VSTM2B: variants seen among roughly 807,000 people sequenced by gnomAD.
VSTM2B encodes the protein V-set and transmembrane domain-containing protein 2B.
VSTM2B carries 24 observed loss-of-function variants against 24.0 expected under a neutral mutation model. The ratio of observed to expected loss-of-function variants is 1.00; its 90% confidence interval spans 0.72 to 1.40. VSTM2B has a LOEUF of 1.40. Ranked by LOEUF, VSTM2B falls within the 40% of genes most tolerant of loss-of-function variation. The pLI is 0.00. For missense variants in VSTM2B, 399 were observed against 416.4 expected (o/e 0.96, Z 0.36); for synonymous variants, 226 against 194.4 (o/e 1.16, Z -1.35).
rs144523000 is a variant in VSTM2B, at chr19:29,561,078, G to A, written c.770-2768G>A. Among the ~76,000 whole-genome samples, 409 of 152,254 alleles carry A rather than the reference G, an allele frequency of 2.7e-3. 14 individuals are homozygous for A. The East Asian group carries it at 0.061, about 23-fold the overall frequency. On this transcript the variant is annotated intron_variant, in intron 4 of 4. Transcript: ENST00000335523. ...TGTAATCCCAGCACTTTGGGAGGTC[G>A]AAGTGGGCAGATCACTTGAGGTCAG...
rs74835066 is a variant in VSTM2B at position 29,552,285 on chromosome 19, A to T, written c.770-11561A>T. Among the ~76,000 whole-genome samples, 1,394 of 152,318 alleles carry T rather than the reference A, an allele frequency of 9.2e-3. 46 individuals are homozygous for T. The highest frequency in any genetic ancestry group is 0.09 in the East Asian group (466 of 5,188). On this transcript the variant is annotated intron_variant, in intron 4 of 4. Transcript: ENST00000335523. Reference sequence around the variant, plus strand: ...TATGTCTGATGAATCAGGTAGTAAAAGGTTGCAAATCCTAGGTCCTTCTTT... The same window carrying T: ...TATGTCTGATGAATCAGGTAGTAAATGGTTGCAAATCCTAGGTCCTTCTTT...
intron 4 of VSTM2B, among the ~76,000 whole-genome samples, chr19:29,557,413 T>C (rs765106880): frequency 4.6e-5 from 7 of 152,192 alleles, no homozygotes; most frequent in Non-Finnish European, 5.9e-5. Context: ...AAGACTTAAA[T>C]GTAAGCTGGG....
At chr19:29,531,548 A>C (rs759937114) in intron 4 of VSTM2B, among the ~76,000 whole-genome samples, 1 of 152,170 alleles carries the variant, frequency 6.6e-6, no homozygotes, top group Non-Finnish European at 1.5e-5. Context: ...TCTGCCTGGC[A>C]CATCAGTTCA....
chr19:29,563,142 A>C, intron 4 of VSTM2B, among the ~76,000 whole-genome samples: 1 of 152,136 alleles, frequency 6.6e-6, no homozygotes, highest in East Asian at 1.9e-4. Context: ...CACAAGGGAC[A>C]GAATTGTGTG....
At position 29,526,518 on chromosome 19, in the gene VSTM2B, C is replaced by G; in HGVS notation, c.-66C>G. The G allele has an allele frequency of 7.5e-7, 1 of 1,338,346 alleles. No individual in the cohort carries two copies. The highest frequency in any genetic ancestry group is 2.5e-5 in the Admixed American group (1 of 39,830). The allele number at this position is 1,338,346 out of a possible 1,614,324, so 82.9% of individuals were successfully genotyped here. Reference sequence around the variant, plus strand: ...CGTCCTAGCCCGAGCCGGAGCCGATCCGAGCCCACGCGGCCGCCGCCTCTC... The same window carrying G: ...CGTCCTAGCCCGAGCCGGAGCCGATGCGAGCCCACGCGGCCGCCGCCTCTC... On this transcript the variant is annotated 5_prime_UTR_variant, in exon 1 of 5. In the 5' UTR this introduces an upstream ATG that the reference lacks. Transcript: ENST00000335523. This position sits in a 1 kb window ranked among gnomAD's most constrained non-coding sequence, Gnocchi z 4.1.
intron 4 of VSTM2B, among the ~76,000 whole-genome samples, chr19:29,562,323 A>G (rs572615329): frequency 6.6e-6 from 1 of 152,308 alleles, no homozygotes; most frequent in Admixed American, 6.5e-5. Context: ...GTGTGCTGCT[A>G]CCTGGAGAGA....
At chr19:29,563,345 T>C (rs1970578727) in intron 4 of VSTM2B, among the ~76,000 whole-genome samples, 2 of 151,750 alleles carry the variant, frequency 1.3e-5, no homozygotes, top group Admixed American at 6.6e-5. Flanking sequence ...CTCCAACTCT[T>C]GGTCTCAAGC....
chr19:29,532,925 G>A (rs78269239), intron 4 of VSTM2B, among the ~76,000 whole-genome samples: 2,544 of 152,294 alleles, frequency 0.017, 50 homozygotes, highest in African/African-American at 0.044. Flanking sequence ...ATGATAATGA[G>A]ACCAAGGTCA....
rs762981592 is a variant in VSTM2B, at chr19:29,526,699, CG to C, written c.82+41del. ...GGGAACTTTGCTGCCGCTGTGGACT[CG>C]GGGGGGTCTTTGCTGGGGCCGCCAC... On this transcript the variant is annotated intron_variant, in intron 1 of 4. Transcript: ENST00000335523. This position sits in a 1 kb window ranked among gnomAD's most constrained non-coding sequence, Gnocchi z 4.1. The C allele has an allele frequency of 1.2e-5, 18 of 1,509,746 alleles. No homozygotes were observed. Among genetic ancestry groups the C allele is most frequent in the East Asian group, 7.6e-5 (3 of 39,582 alleles). The allele number at this position is 1,509,746 out of a possible 1,614,324, so 93.5% of individuals were successfully genotyped here.
chr19:29,550,285 A>G (rs1023113103), intron 4 of VSTM2B, among the ~76,000 whole-genome samples: 7 of 152,178 alleles, frequency 4.6e-5, no homozygotes. Context: ...AAATTTTAAA[A>G]TTATCTGGGC....
rs1969685940 is a variant in VSTM2B, at chr19:29,529,819, AC to A, written c.300del (p.Val101TyrfsTer173). 6.5e-7 allele frequency: 1 copy of A among 1,548,866 alleles called. No homozygotes were observed. Among genetic ancestry groups the A allele is most frequent in the South Asian group, 1.2e-5 (1 of 83,694 alleles). On this transcript the variant is annotated frameshift_variant and splice_region_variant, in exon 4 of 5. Coordinates refer to ENST00000335523, the MANE Select transcript of VSTM2B (RefSeq NM_001146339.2). LOFTEE classifies it high-confidence loss of function. ...GGCCTCTAACCCTGCTCTCTTGCAG[AC>A]CGTACGCGTCCAGGGCAATGACATC... ...VTNKDATKIS[T>X]VRVQGNDISH...
At chr19:29,531,056 C>G (rs1294894537) in intron 4 of VSTM2B, among the ~76,000 whole-genome samples, 1 of 148,502 alleles carries the variant, frequency 6.7e-6, no homozygotes, top group East Asian at 2.0e-4. Context: ...TTGACTACCC[C>G]CTGGTAGGCA....
intron 4 of VSTM2B, among the ~76,000 whole-genome samples, chr19:29,540,362 G>A (rs796720557): frequency 3.6e-4 from 55 of 152,368 alleles, no homozygotes; most frequent in African/African-American, 1.3e-3. Context: ...GAAATGGTGG[G>A]CTACCAGGAT....
At position 29,552,399 on chromosome 19, in the gene VSTM2B, C is replaced by T. The variant is rs187300112; in HGVS notation, c.770-11447C>T. On this transcript the variant is annotated intron_variant, in intron 4 of 4. Coordinates refer to ENST00000335523, the MANE Select transcript of VSTM2B (RefSeq NM_001146339.2). ...AACCAGGTTCTCTCACTGGTACTGACGTCGTTGGCAAGACCCATGGAGAGC... is the reference window on the plus strand; with the variant it reads ...AACCAGGTTCTCTCACTGGTACTGATGTCGTTGGCAAGACCCATGGAGAGC... 1.9e-4 allele frequency among the ~76,000 whole-genome samples: 29 copies of T among 152,312 alleles called. No homozygotes were observed. The East Asian group carries it at 3.9e-3, about 20-fold the overall frequency.
chr19:29,549,021 C>T (rs1374401289), intron 4 of VSTM2B, among the ~76,000 whole-genome samples: 2 of 152,206 alleles, frequency 1.3e-5, no homozygotes, highest in African/African-American at 2.4e-5. Context: ...CGGCCCCCAC[C>T]CACCCCAGTG....
At chr19:29,552,840 T>C (rs958548733) in intron 4 of VSTM2B, among the ~76,000 whole-genome samples, 4 of 152,330 alleles carry the variant, frequency 2.6e-5, no homozygotes, top group East Asian at 1.9e-4. Context: ...ACAGCAGCTG[T>C]GGCAGATCAA....
At position 29,529,912 on chromosome 19, in the gene VSTM2B, G is replaced by T. The variant is rs1304892527; in HGVS notation, c.391G>T (p.Asp131Tyr). ...GGGCGTGTACGAGTGCCGCGTGTCG[G>T]ACTACAGCGACGACGACACGCAGGA... ...DEGVYECRVS[D>Y]YSDDDTQEHK... Residue 131 changes from aspartate (D) to tyrosine (Y), a missense_variant, in exon 4 of 5, where the codon GAC becomes TAC. Physicochemically the swap from Asp to Tyr is radical, Grantham distance 160. Transcript: ENST00000335523. 6.5e-7 allele frequency: 1 copy of T among 1,550,270 alleles called. No homozygotes were observed. Among genetic ancestry groups the T allele is most frequent in the Non-Finnish European group, 8.7e-7 (1 of 1,146,874 alleles).
rs989220559 is a variant in VSTM2B at position 29,526,748 on chromosome 19, G to A, written c.82+83G>A. ...CACCGAGAAGAAGAAGAAAGAGAAC[G>A]AACCGGGAAGCTTCGCGGTCTCCAG... On this transcript the variant is annotated intron_variant, in intron 1 of 4. Coordinates refer to ENST00000335523, the MANE Select transcript of VSTM2B (RefSeq NM_001146339.2). This position sits in a 1 kb window ranked among gnomAD's most constrained non-coding sequence, Gnocchi z 4.1. 40 of 1,299,628 alleles carry A rather than the reference G, an allele frequency of 3.1e-5. No individual in the cohort carries two copies. The highest frequency in any genetic ancestry group is 3.7e-4 in the Middle Eastern group (2 of 5,458). 80.5% of individuals were successfully genotyped at this position (1,299,628 alleles called of 1,614,324 possible).
intron 4 of VSTM2B, among the ~76,000 whole-genome samples, chr19:29,534,531 A>G (rs1361750827): frequency 6.6e-6 from 1 of 152,162 alleles, no homozygotes; most frequent in Non-Finnish European, 1.5e-5. Flanking sequence ...CCTGGCCAAC[A>G]TGATGAGATC....
Sources: gnomAD v4.1 joint callset for allele counts (sites outside exome capture counted in the v4.1 genomes callset) on GRCh38, gnomAD v4.1.1 for gene constraint, Gnocchi (gnomAD v3.1) non-coding constraint, MANE v1.5 for transcripts, NCBI Gene and HGNC (gene_info 2026-07-23, HGNC 2026-07-21) for gene names.